The following USP14 variants were observed in gnomAD, a reference collection of about 807,000 sequenced individuals.
USP14 encodes ubiquitin specific peptidase 14.
A neutral mutation model predicts 76.5 loss-of-function variants in USP14; 38 were observed. The ratio of observed to expected loss-of-function variants is 0.50; its 90% CI spans 0.38 to 0.65. The LOEUF is 0.65. USP14 is among the 30% of genes least tolerant of loss of function. The probability of loss-of-function intolerance (pLI) is 0.00; values close to 1 mark genes in which losing one functional copy is unlikely to be tolerated. For synonymous variants in USP14, 192 were observed against 191.7 expected (o/e 1.00, Z -0.01); for missense variants, 467 against 586.5 (o/e 0.80, Z 2.10).
intron 5 of USP14, among the ~76,000 whole-genome samples, chr18:191,826 G>T (rs1910097970): frequency 6.6e-6 from 1 of 152,092 alleles, no homozygotes; most frequent in South Asian, 2.1e-4. Flanking sequence ...ACTCTAATGG[G>T]TGTGTAGTAT....
chr18:158,673 G>A lies in USP14; in HGVS notation c.-26G>A, dbSNP rs1278717998. On this transcript the variant is annotated 5_prime_UTR_variant, in exon 1 of 16. Transcript: ENST00000261601. ...CCCTCGTCAGGCCCAGCTCTCCTGC[G>A]CCGCCGCCTCCCGCCGCGCCCCGCC... The A allele has an allele frequency of 5.3e-6, 8 of 1,519,266 alleles. No homozygotes were observed. The East Asian group carries it at 1.6e-4, about 30-fold the overall frequency. 94.1% of individuals were successfully genotyped at this position (1,519,266 alleles called of 1,614,324 possible).
chr18:166,463 G>C (rs1344033335), intron 2 of USP14, among the ~76,000 whole-genome samples: 1 of 152,014 alleles, frequency 6.6e-6, no homozygotes, highest in Non-Finnish European at 1.5e-5. Flanking sequence ...CTCCCGAGTA[G>C]CTGGAATTAC....
At chr18:209,383 C>T (rs1459207377) in intron 13 of USP14, among the ~76,000 whole-genome samples, 6 of 152,102 alleles carry the variant, frequency 3.9e-5, no homozygotes, top group Non-Finnish European at 8.8e-5. Flanking sequence ...TGCTGTATTC[C>T]TAGATAAGTT....
At chr18:181,034 T>C (rs1165200531) in intron 5 of USP14, among the ~76,000 whole-genome samples, 1 of 152,074 alleles carries the variant, frequency 6.6e-6, no homozygotes, top group Non-Finnish European at 1.5e-5. Flanking sequence ...TATGGCTGAA[T>C]AGTATTTCAT....
At chr18:180,392 ATTG>A in intron 5 of USP14, 53 bp downstream of exon 5, 1 of 1,121,778 alleles carries the variant, frequency 8.9e-7, no homozygotes, top group Non-Finnish European at 1.3e-6. Context: ...GATGAGTAGT[ATTG>A]TTTTGTTTTG....
intron 15 of USP14, among the ~76,000 whole-genome samples, chr18:210,737 AAAC>A (rs1374672285): frequency 1.3e-5 from 2 of 152,226 alleles, no homozygotes; most frequent in Admixed American, 6.5e-5. Context: ...ATTAATGTAA[AAAC>A]AAAATGAGTG....
intron 3 of USP14, among the ~76,000 whole-genome samples, chr18:178,014 G>A (rs1420029980): frequency 2.6e-5 from 4 of 151,934 alleles, no homozygotes; most frequent in South Asian, 4.2e-4. Context: ...GTGTTTGTTT[G>A]TTTGTTTGTT....
chr18:158,923 C>A, intron 1 of USP14: 2 of 667,216 alleles, frequency 3.0e-6, no homozygotes, highest in South Asian at 6.0e-5. Context: ...TCCCCCTGAG[C>A]CACCGATGGG....
chr18:183,198 AT>A (rs1009364996), intron 5 of USP14, among the ~76,000 whole-genome samples: 3 of 151,918 alleles, frequency 2.0e-5, no homozygotes, highest in African/African-American at 7.3e-5. Context: ...GGTCAAAGCC[AT>A]TTTTCCTCAG....
At chr18:178,428 A>G (rs2144232253) in intron 3 of USP14, among the ~76,000 whole-genome samples, 1 of 152,274 alleles carries the variant, frequency 6.6e-6, no homozygotes, top group East Asian at 1.9e-4. Context: ...AGGTGTTTTT[A>G]TGGCAATACT....
intron 3 of USP14, among the ~76,000 whole-genome samples, chr18:167,716 A>G (rs577847898): frequency 2.4e-4 from 37 of 152,012 alleles, no homozygotes; most frequent in Non-Finnish European, 4.6e-4. Flanking sequence ...GGGTGTCACT[A>G]TGTTGCCCAG....
rs143592409 is a variant in USP14 at position 212,262 on chromosome 18, T to C, written c.*978T>C. On this transcript the variant is annotated 3_prime_UTR_variant, in exon 16 of 16. Coordinates refer to ENST00000261601, the MANE Select transcript of USP14 (RefSeq NM_005151.4). Reference sequence around the variant, plus strand: ...TTGGATGCTGAATGCAGTGATGTTATCAGTCAGATTCTTTCCTTGGCTCAG... The same window carrying C: ...TTGGATGCTGAATGCAGTGATGTTACCAGTCAGATTCTTTCCTTGGCTCAG... The C allele has an allele frequency of 6.6e-6, 1 of 152,256 alleles. No homozygotes were observed. Among genetic ancestry groups the C allele is most frequent in the Admixed American group, 6.5e-5 (1 of 15,280 alleles). The allele number at this position is 152,256 out of a possible 1,614,324, so 9.4% of individuals were successfully genotyped here.
intron 13 of USP14, among the ~76,000 whole-genome samples, chr18:205,975 G>A (rs1301221755): frequency 6.6e-6 from 1 of 152,158 alleles, no homozygotes; most frequent in African/African-American, 2.4e-5. Flanking sequence ...AAGAACACCT[G>A]GGTTGTTTCT....
intron 5 of USP14, among the ~76,000 whole-genome samples, chr18:192,330 G>T (rs1207844171): frequency 6.6e-6 from 1 of 152,098 alleles, no homozygotes; most frequent in Non-Finnish European, 1.5e-5. Flanking sequence ...TTGGGAGGCC[G>T]ATGTGGGTGG....
intron 3 of USP14, among the ~76,000 whole-genome samples, chr18:171,742 G>C (rs1036320002): frequency 6.6e-6 from 1 of 152,056 alleles, no homozygotes; most frequent in African/African-American, 2.4e-5. Flanking sequence ...CCATGAATCT[G>C]GGCAAAATCA....
At chr18:202,590 C>A (rs963470665) in intron 10 of USP14, among the ~76,000 whole-genome samples, 1 of 152,094 alleles carries the variant, frequency 6.6e-6, no homozygotes, top group African/African-American at 2.4e-5. Context: ...ATATAAAATT[C>A]TCTGAATCTA....
intron 6 of USP14, 100 bp downstream of exon 6, chr18:193,000 C>T (rs1485855611): frequency 3.4e-6 from 3 of 894,716 alleles, no homozygotes; most frequent in South Asian, 3.8e-5. Context: ...TAAAACATCA[C>T]CTCATTAAGC....
chr18:214,221 A>G lies in USP14; in HGVS notation c.*2937A>G. 1.8e-5 allele frequency: 3 copies of G among 162,766 alleles called. No homozygotes were observed. The highest frequency in any genetic ancestry group is 4.0e-5 in the Non-Finnish European group (3 of 74,742). 10.1% of individuals were successfully genotyped at this position (162,766 alleles called of 1,614,324 possible). A position where few individuals can be genotyped will look rare whatever the true frequency, so the allele number is the denominator to read the frequency against. On this transcript the variant is annotated 3_prime_UTR_variant, in exon 16 of 16. Transcript: ENST00000261601. ...TGTTGATCCTCTGCTTGAAAGCACG[A>G]ATAAGTGAGAACAGAGCAGTCATAT... is the stretch of plus-strand genomic sequence containing the variant.
At chr18:207,664 GT>G (rs1157709411) in intron 13 of USP14, among the ~76,000 whole-genome samples, 1 of 105,714 alleles carries the variant, frequency 9.5e-6, no homozygotes, top group Non-Finnish European at 2.5e-5. Flanking sequence ...GAGTGACTGA[GT>G]AAGACTGTGT....
Sources: gnomAD v4.1 joint callset for allele counts (sites outside exome capture counted in the v4.1 genomes callset) on GRCh38, gnomAD v4.1.1 for gene constraint, MANE v1.5 for transcripts, NCBI Gene and HGNC (gene_info 2026-07-23, HGNC 2026-07-21) for gene names.